The following ZC3H12B variants were observed in gnomAD, a reference collection of about 807,000 sequenced individuals.
ZC3H12B encodes the protein zinc finger CCCH-type containing 12B, also known as probable ribonuclease ZC3H12B.
A neutral mutation model predicts 43.9 loss-of-function variants in ZC3H12B; 7 were observed. The ratio of observed to expected loss-of-function variants is 0.16; its 90% CI spans 0.09 to 0.30. The LOEUF (loss-of-function observed/expected upper bound fraction) is 0.30. Ranked by LOEUF, ZC3H12B falls within the 10% of genes least tolerant of loss-of-function variation. ZC3H12B has a pLI of 1.00. For synonymous variants in ZC3H12B, 222 were observed against 241.7 expected (o/e 0.92, Z 0.76); for missense variants, 475 against 670.2 (o/e 0.71, Z 3.22).
At chrX:65,207,345 G>C in the ZC3H12B span, among the ~76,000 whole-genome samples, 1 of 109,588 alleles carries the variant, frequency 9.1e-6, no homozygotes, top group Admixed American at 9.8e-5. Flanking sequence ...CACCCGGATG[G>C]AATTGGAGAC....
chrX:65,135,836 C>T, the ZC3H12B span, among the ~76,000 whole-genome samples: 2 of 105,835 alleles, frequency 1.9e-5, no homozygotes, highest in Non-Finnish European at 3.9e-5. Context: ...CTGTTGAGCA[C>T]ATCCATTGGC....
At chrX:65,309,967 T>A in the ZC3H12B span, among the ~76,000 whole-genome samples, 1 of 111,652 alleles carries the variant, frequency 9.0e-6, no homozygotes, top group Admixed American at 9.5e-5. Context: ...TGCTAAAAAC[T>A]CTCAATAAAC....
chrX:65,305,821 G>A, the ZC3H12B span, among the ~76,000 whole-genome samples: 2 of 111,522 alleles, frequency 1.8e-5, no homozygotes, highest in African/African-American at 6.5e-5. Context: ...GTGTTATAAT[G>A]GCAAGAACAC....
At chrX:65,204,868 A>G in the ZC3H12B span, among the ~76,000 whole-genome samples, 17 of 112,252 alleles carry the variant, frequency 1.5e-4, no homozygotes, top group Non-Finnish European at 2.3e-4. Context: ...GTAAGCTGTT[A>G]TCTGCTGCTC....
chrX:65,282,539 C>G, the ZC3H12B span, among the ~76,000 whole-genome samples: 5 of 111,117 alleles, frequency 4.5e-5, no homozygotes, highest in Admixed American at 4.8e-4. Flanking sequence ...AATCAAGGAG[C>G]TGGTTTTTTG....
At chrX:65,344,060 G>C in the ZC3H12B span, among the ~76,000 whole-genome samples, 1 of 111,747 alleles carries the variant, frequency 8.9e-6, no homozygotes, top group South Asian at 3.7e-4. Flanking sequence ...AGCCACATCA[G>C]GAACACAGTT....
At chrX:65,150,187 T>A in the ZC3H12B span, among the ~76,000 whole-genome samples, 1 of 110,730 alleles carries the variant, frequency 9.0e-6, no homozygotes, top group African/African-American at 3.3e-5. Flanking sequence ...TATTACTTAT[T>A]TTTTTGCACT....
the ZC3H12B span, among the ~76,000 whole-genome samples, chrX:65,116,116 C>T: frequency 1.8e-5 from 2 of 111,075 alleles, no homozygotes; most frequent in African/African-American, 3.3e-5. Flanking sequence ...GTCATGAAGT[C>T]GTTGCCTAAG....
At chrX:65,135,353 G>GT in the ZC3H12B span, among the ~76,000 whole-genome samples, 2,530 of 104,214 alleles carry the variant, frequency 0.024, 74 homozygotes, top group African/African-American at 0.078. Flanking sequence ...CTAGGTTGTT[G>GT]TTTTTTTTTT....
the ZC3H12B span, among the ~76,000 whole-genome samples, chrX:65,323,124 T>C: frequency 8.9e-6 from 1 of 112,323 alleles, no homozygotes; most frequent in African/African-American, 3.2e-5. Flanking sequence ...TTTTCCTATA[T>C]GGATACATTT....
At chrX:65,134,733 A>C in the ZC3H12B span, among the ~76,000 whole-genome samples, 10 of 111,558 alleles carry the variant, frequency 9.0e-5, no homozygotes, top group African/African-American at 3.3e-4. Context: ...GTCCGTGTGA[A>C]GAGACCACCA....
intron 2 of ZC3H12B, among the ~76,000 whole-genome samples, chrX:65,383,303 T>C (rs1339824022): frequency 9.0e-6 from 1 of 111,457 alleles, no homozygotes; most frequent in African/African-American, 3.3e-5. Context: ...ATGCCGCATA[T>C]CTACAACTAT....
At chrX:65,314,081 T>C in the ZC3H12B span, among the ~76,000 whole-genome samples, 1 of 111,275 alleles carries the variant, frequency 9.0e-6, no homozygotes, top group Non-Finnish European at 1.9e-5. Context: ...AGGAACTACC[T>C]TGGATTTTGA....
chrX:65,153,898 C>T, the ZC3H12B span, among the ~76,000 whole-genome samples: 3 of 110,507 alleles, frequency 2.7e-5, no homozygotes, highest in East Asian at 2.8e-4. Context: ...TACTATGCAG[C>T]CATAAAAAAT....
chrX:65,065,049 T>C, the ZC3H12B span, among the ~76,000 whole-genome samples: 1 of 110,924 alleles, frequency 9.0e-6, no homozygotes, highest in Non-Finnish European at 1.9e-5. Flanking sequence ...GCACATGAGA[T>C]GGGTCTCCTG....
At chrX:65,282,798 C>G in the ZC3H12B span, among the ~76,000 whole-genome samples, 2 of 111,662 alleles carry the variant, frequency 1.8e-5, no homozygotes, top group African/African-American at 6.5e-5. Flanking sequence ...CAGAATAGAC[C>G]AATATCAGGC....
At chrX:65,307,896 A>G in the ZC3H12B span, among the ~76,000 whole-genome samples, 3 of 112,286 alleles carry the variant, frequency 2.7e-5, no homozygotes, top group Admixed American at 1.9e-4. Context: ...TCTTGTAAGA[A>G]GCAGTGAAAG....
the ZC3H12B span, among the ~76,000 whole-genome samples, chrX:65,096,840 A>G: frequency 8.9e-6 from 1 of 111,774 alleles, no homozygotes; most frequent in African/African-American, 3.2e-5. Context: ...TTGTTATTGA[A>G]AATATATTAA....
chrX:65,489,480 C>T, intron 1 of ZC3H12B, 71 bp downstream of exon 6: 2 of 1,091,665 alleles, frequency 1.8e-6, no homozygotes, highest in Non-Finnish European at 2.4e-6. Flanking sequence ...TCTTCCTTTG[C>T]AAATCATTAT....
Sources: gnomAD v4.1 joint callset for allele counts (sites outside exome capture counted in the v4.1 genomes callset) on GRCh38, gnomAD v4.1.1 for gene constraint, MANE v1.5 for transcripts, NCBI Gene and HGNC (gene_info 2026-07-23, HGNC 2026-07-21) for gene names.